Variants in NRCAM observed in about 807,000 individuals in gnomAD.
The protein encoded by NRCAM is NgCAM-related cell adhesion molecule.
A neutral mutation model predicts 156.5 loss-of-function variants in NRCAM; 83 were observed. The ratio of observed to expected loss-of-function variants is 0.53; its 90% CI spans 0.44 to 0.64. The LOEUF (loss-of-function observed/expected upper bound fraction) is 0.64, where lower values mean the gene tolerates loss of function less well. Among genes scored for constraint, NRCAM ranks in the 30% least tolerant of loss-of-function variants. The pLI, the probability that NRCAM is intolerant of heterozygous loss-of-function variation, is 0.00. For missense variants in NRCAM, 1,417 were observed against 1,597.3 expected (o/e 0.89, Z 1.92); for synonymous variants, 538 against 563.9 (o/e 0.95, Z 0.65).
At chr7:108,259,039 CCA>C (rs1383415767) in intron 3 of NRCAM, among the ~76,000 whole-genome samples, 2 of 152,152 alleles carry the variant, frequency 1.3e-5, no homozygotes, top group African/African-American at 4.8e-5. Context: ...ATTTGAGTGC[CCA>C]ACAGCCACAT....
intron 32 of NRCAM, among the ~76,000 whole-genome samples, chr7:108,155,113 C>T (rs1964789): frequency 0.48 from 55,700 of 115,650 alleles, 15,767 homozygotes; most frequent in Non-Finnish European, 0.64. Flanking sequence ...CACACACACA[C>T]ACACACACAC....
intron 2 of NRCAM, among the ~76,000 whole-genome samples, chr7:108,330,136 C>A (rs566090125): frequency 1.2e-4 from 18 of 152,282 alleles, no homozygotes; most frequent in African/African-American, 3.9e-4. Flanking sequence ...CCAATCATTT[C>A]TTTCAAGTGC....
intron 11 of NRCAM, among the ~76,000 whole-genome samples, chr7:108,209,993 A>T (rs1416605877): frequency 6.6e-6 from 1 of 152,204 alleles, no homozygotes; most frequent in African/African-American, 2.4e-5. Flanking sequence ...ATAATTTTTC[A>T]TCAGCTGGGA....
chr7:108,255,018 C>T (rs1207233318), intron 3 of NRCAM, among the ~76,000 whole-genome samples: 2 of 152,106 alleles, frequency 1.3e-5, no homozygotes, highest in East Asian at 1.9e-4. Context: ...TGCCCATTAA[C>T]GGATGAAAGA....
At chr7:108,318,386 T>C (rs1178482983) in intron 2 of NRCAM, among the ~76,000 whole-genome samples, 2 of 152,056 alleles carry the variant, frequency 1.3e-5, no homozygotes, top group Non-Finnish European at 2.9e-5. Flanking sequence ...GGGGTTCTGG[T>C]GCATGTGGTC....
chr7:108,347,867 C>G (rs148191899), intron 2 of NRCAM, among the ~76,000 whole-genome samples: 164 of 152,290 alleles, frequency 1.1e-3, no homozygotes, highest in African/African-American at 3.5e-3. Flanking sequence ...AGCCAGTGAA[C>G]TGAACCCCTC....
At chr7:108,273,131 T>C (rs944999560) in intron 3 of NRCAM, among the ~76,000 whole-genome samples, 39 of 152,362 alleles carry the variant, frequency 2.6e-4, no homozygotes, top group African/African-American at 8.7e-4. Context: ...CCATATTTTC[T>C]TTATCCAGTC....
At chr7:108,254,262 TAAG>T (rs931983627) in intron 3 of NRCAM, among the ~76,000 whole-genome samples, 18 of 152,214 alleles carry the variant, frequency 1.2e-4, no homozygotes, top group Admixed American at 9.8e-4. Context: ...GTAGAAAAAC[TAAG>T]AAGACAAAAC....
At chr7:108,448,104 C>T (rs141795838) in intron 1 of NRCAM, among the ~76,000 whole-genome samples, 54 of 152,188 alleles carry the variant, frequency 3.5e-4, no homozygotes, top group African/African-American at 1.2e-3. Flanking sequence ...TTACTAGAAA[C>T]GTAAACATAA....
At chr7:108,433,484 T>C (rs1456643414) in intron 1 of NRCAM, among the ~76,000 whole-genome samples, 1 of 152,136 alleles carries the variant, frequency 6.6e-6, no homozygotes, top group Admixed American at 6.5e-5. Flanking sequence ...TGAAATTTGA[T>C]CCCCAATATG....
chr7:108,297,498 C>A (rs1361879686), intron 3 of NRCAM, among the ~76,000 whole-genome samples: 1 of 152,202 alleles, frequency 6.6e-6, no homozygotes, highest in Non-Finnish European at 1.5e-5. Flanking sequence ...CTTTCATTAT[C>A]TGACAAAGAG....
At chr7:108,373,492 A>G (rs758742833) in intron 2 of NRCAM, among the ~76,000 whole-genome samples, 8 of 152,206 alleles carry the variant, frequency 5.3e-5, no homozygotes, top group Non-Finnish European at 1.2e-4. Flanking sequence ...CTTACTTTCA[A>G]TTTCAGATCC....
intron 2 of NRCAM, among the ~76,000 whole-genome samples, chr7:108,346,295 T>C (rs1464358059): frequency 1.3e-5 from 2 of 152,236 alleles, no homozygotes; most frequent in Non-Finnish European, 2.9e-5. Flanking sequence ...ATTTAACTAC[T>C]GGCAAGACTA....
In NRCAM at chr7:108,279,610, C is replaced by T. The variant is rs533612352; in HGVS notation, c.-107+33055G>A. Among the ~76,000 whole-genome samples, 77 of 151,458 alleles carry T rather than the reference C, an allele frequency of 5.1e-4. 1 individual carries two copies. The highest frequency in any genetic ancestry group is 1.8e-3 in the African/African-American group (76 of 41,222). The stretch of plus-strand genomic sequence containing the variant: ...AATAGCTCACTGTAGCCTTGACCTG[C>T]CGCCTTCCCCCATCCCCCCTGCCCT... On this transcript the variant is annotated intron_variant, in intron 3 of 32. Coordinates refer to ENST00000379028, the MANE Select transcript of NRCAM (RefSeq NM_001037132.4).
At chr7:108,355,817 G>A (rs1245620890) in intron 2 of NRCAM, among the ~76,000 whole-genome samples, 1 of 152,156 alleles carries the variant, frequency 6.6e-6, no homozygotes, top group East Asian at 1.9e-4. Flanking sequence ...TGGCCAAAAG[G>A]GCAATGATAA....
intron 28 of NRCAM, 83 bp downstream of exon 28, chr7:108,175,239 C>G (rs2060032671): frequency 1.9e-6 from 2 of 1,049,678 alleles, no homozygotes. Context: ...CATATTTTCT[C>G]TGTTTTACCC....
rs575554164 is a variant in NRCAM, at chr7:108,219,600, C to A, written c.890+4125G>T. 2.0e-5 allele frequency among the ~76,000 whole-genome samples: 3 copies of A among 152,272 alleles called. No individual in the cohort carries two copies. The South Asian group carries it at 6.2e-4, about 32-fold the overall frequency. On this transcript the variant is annotated intron_variant, in intron 11 of 32. Transcript: ENST00000379028. ...CATAAACAGAATTAAAAACAAAAATCGCACGATCATCTCAATAGATGCAGA... is the reference window on the plus strand; with the variant it reads ...CATAAACAGAATTAAAAACAAAAATAGCACGATCATCTCAATAGATGCAGA...
intron 5 of NRCAM, among the ~76,000 whole-genome samples, chr7:108,236,252 T>C (rs923451716): frequency 2.6e-5 from 4 of 152,206 alleles, no homozygotes; most frequent in African/African-American, 9.6e-5. Flanking sequence ...CTTATTGCCA[T>C]CCACAAGACA....
Position 108,186,940 on chromosome 7 carries a change from T to A in NRCAM, c.2036-2326A>T, listed in dbSNP as rs117760089. On this transcript the variant is annotated intron_variant, in intron 20 of 32. Coordinates refer to ENST00000379028, the MANE Select transcript of NRCAM (RefSeq NM_001037132.4). Reference sequence around the variant, plus strand: ...CACAAAATGACATGGGATATAAAGTTGAACCTGTAATCTGCCTCAAGCTAA... The same window carrying A: ...CACAAAATGACATGGGATATAAAGTAGAACCTGTAATCTGCCTCAAGCTAA... Among the ~76,000 whole-genome samples the A allele has an allele frequency of 6.9e-3, 1,051 of 152,338 alleles. 2 individuals are homozygous for A. The highest frequency in any genetic ancestry group is 0.012 in the Non-Finnish European group (792 of 68,026).
Sources: gnomAD v4.1 joint callset for allele counts (sites outside exome capture counted in the v4.1 genomes callset) on GRCh38, gnomAD v4.1.1 for gene constraint, MANE v1.5 for transcripts, NCBI Gene and HGNC (gene_info 2026-07-23, HGNC 2026-07-21) for gene names.